Variants in STOX2 observed in about 807,000 individuals in gnomAD.
STOX2 encodes storkhead box 2.
A neutral mutation model predicts 60.9 loss-of-function variants in STOX2; 28 were observed. The observed-to-expected ratio is 0.46, with a 90% CI of 0.34 to 0.63. STOX2 has a LOEUF of 0.63. Among genes scored for constraint, STOX2 ranks in the 30% least tolerant of loss-of-function variants. The pLI, the probability that STOX2 is intolerant of heterozygous loss-of-function variation, is 0.01. For synonymous variants in STOX2, 472 were observed against 463.9 expected, an observed-to-expected ratio of 1.02 and a Z score of -0.22; for missense variants, 1,024 against 1,187.7, an observed-to-expected ratio of 0.86 and a Z score of 2.03.
chr4:183,887,835 G>A (rs189723648), intron 1 of STOX2, among the ~76,000 whole-genome samples: 6 of 152,184 alleles, frequency 3.9e-5, no homozygotes, highest in Non-Finnish European at 7.3e-5. Context: ...CCTTGAGCTC[G>A]TAGGCTCAAG....
intron 1 of STOX2, among the ~76,000 whole-genome samples, chr4:183,851,983 GA>G (rs2111143090): frequency 2.3e-5 from 2 of 85,750 alleles, no homozygotes; most frequent in African/African-American, 6.7e-5. Flanking sequence ...GAAAGGATGA[GA>G]GAAACGATGA....
In STOX2 at chr4:183,995,291, C is replaced by CTTTTTTTTTTTTTTTTT. The variant is rs61681165; in HGVS notation, c.167-6018_167-6002dup. On this transcript the variant is annotated intron_variant, in intron 1 of 3. Transcript: ENST00000308497. The stretch of plus-strand genomic sequence containing the variant: ...ATAAAGGACAGGGCTTTATTTTAGT[C>CTTTTTTTTTTTTTTTTT]TTTTTTTTTTTTTTTTTTTTTTTTT... Among the ~76,000 whole-genome samples the CTTTTTTTTTTTTTTTTT allele has an allele frequency of 8.8e-5, 7 of 79,452 alleles. 1 individual carries two copies. The highest frequency in any genetic ancestry group is 2.5e-4 in the African/African-American group (4 of 16,132). The allele number at this position is 79,452 out of a possible 152,430, so 52.1% of individuals were successfully genotyped here.
intron 1 of STOX2, among the ~76,000 whole-genome samples, chr4:183,959,648 A>G (rs1177743960): frequency 1.3e-5 from 2 of 152,186 alleles, no homozygotes; most frequent in Non-Finnish European, 2.9e-5. Flanking sequence ...GCATTGTGGA[A>G]TTATGGGTAG....
At chr4:183,799,987 A>C (rs910798059) in intron 1 of STOX2, among the ~76,000 whole-genome samples, 5 of 152,100 alleles carry the variant, frequency 3.3e-5, no homozygotes, top group African/African-American at 1.2e-4. Flanking sequence ...ACTCCCTCTT[A>C]AAGCCCAAGC....
At chr4:183,967,006 C>G (rs1213798243) in intron 1 of STOX2, among the ~76,000 whole-genome samples, 1 of 152,002 alleles carries the variant, frequency 6.6e-6, no homozygotes, top group Non-Finnish European at 1.5e-5. Context: ...GTAGAAAGCC[C>G]CTTTGTACAT....
chr4:183,996,979 A>G (rs1733371053), intron 1 of STOX2, among the ~76,000 whole-genome samples: 1 of 152,232 alleles, frequency 6.6e-6, no homozygotes, highest in Non-Finnish European at 1.5e-5. Context: ...CATGTTAAAA[A>G]TGGATATTCA....
At chr4:183,930,546 C>T (rs180849198) in intron 1 of STOX2, among the ~76,000 whole-genome samples, 5 of 150,118 alleles carry the variant, frequency 3.3e-5, no homozygotes, top group East Asian at 2.0e-4. Context: ...TTCCTAGAGA[C>T]GGAGTCTCAT....
At chr4:183,798,538 C>T (rs1006845832) in intron 1 of STOX2, 1 of 842,956 alleles carries the variant, frequency 1.2e-6, no homozygotes, top group Non-Finnish European at 1.4e-6. Flanking sequence ...TGGGCGGCGA[C>T]TGCGGGGGAC....
chr4:183,808,047 C>T (rs1266280166), intron 1 of STOX2, among the ~76,000 whole-genome samples: 1 of 152,194 alleles, frequency 6.6e-6, no homozygotes, highest in Non-Finnish European at 1.5e-5. Flanking sequence ...ATTACACCTG[C>T]TGGGTGAAAA....
chr4:183,971,897 G>A (rs548331939), intron 1 of STOX2, among the ~76,000 whole-genome samples: 15 of 152,320 alleles, frequency 9.8e-5, no homozygotes, highest in Non-Finnish European at 1.6e-4. Context: ...AGCAGGCACC[G>A]TGGGGAAGGA....
chr4:183,913,185 A>C lies in STOX2; in HGVS notation c.166+6229A>C, dbSNP rs139800941. ...GAAGGTTGAGGAAGCGGTACAAACCAAGGCATGAAGCTGGAAATGAAAATG... is the reference window on the plus strand; with the variant it reads ...GAAGGTTGAGGAAGCGGTACAAACCCAGGCATGAAGCTGGAAATGAAAATG... On this transcript the variant is annotated intron_variant, in intron 1 of 3. Transcript: ENST00000308497. Among the ~76,000 whole-genome samples the C allele has an allele frequency of 2.6e-4, 40 of 152,318 alleles. 1 individual carries two copies. Among genetic ancestry groups the C allele is most frequent in the African/African-American group, 8.9e-4 (37 of 41,572 alleles).
At chr4:183,882,148 C>T (rs557139050) in intron 1 of STOX2, among the ~76,000 whole-genome samples, 2 of 152,120 alleles carry the variant, frequency 1.3e-5, no homozygotes, top group Admixed American at 6.6e-5. Context: ...AATGTTTGTC[C>T]GAAAACAGAT....
At chr4:183,944,360 T>A (rs1278674733) in intron 1 of STOX2, among the ~76,000 whole-genome samples, 1 of 152,190 alleles carries the variant, frequency 6.6e-6, no homozygotes, top group Non-Finnish European at 1.5e-5. Flanking sequence ...CATAATACAC[T>A]CAAATACTAC....
At chr4:183,929,177 G>A (rs1421935736) in intron 1 of STOX2, among the ~76,000 whole-genome samples, 4 of 152,218 alleles carry the variant, frequency 2.6e-5, no homozygotes, top group Non-Finnish European at 4.4e-5. Flanking sequence ...ATTTGCTGAA[G>A]TCTTGGGGCC....
At position 184,010,989 on chromosome 4, in the gene STOX2, C is replaced by T; in HGVS notation, c.2151C>T (p.His717=). 6.2e-7 allele frequency: 1 copy of T among 1,613,236 alleles called. No homozygotes were observed. The highest frequency in any genetic ancestry group is 2.2e-5 in the East Asian group (1 of 44,854). The change falls in exon 3 of 4, where the codon CAC becomes CAT. Residue 717 remains histidine (H), a synonymous_variant. Coordinates refer to ENST00000308497, the MANE Select transcript of STOX2 (RefSeq NM_020225.3). The surrounding 1 kb of genome is among the most constrained non-coding windows in gnomAD (Gnocchi z 4.5). ...GCACCTTGTCTGTAAACAGCTATCA[C>T]AAGTCGAGCCTGTCCCTCCTCAAAT... ...LHSTLSVNSY[H]KSSLSLLKSH... is the part of the protein sequence containing the mutation.
chr4:183,900,225 A>C (rs1326108126), intron 1 of STOX2, among the ~76,000 whole-genome samples: 2 of 152,148 alleles, frequency 1.3e-5, no homozygotes, highest in Admixed American at 1.3e-4. Flanking sequence ...TCTGATGGGG[A>C]TGTACAGGGA....
At chr4:183,964,072 G>T (rs775703262) in intron 1 of STOX2, among the ~76,000 whole-genome samples, 6 of 152,236 alleles carry the variant, frequency 3.9e-5, no homozygotes, top group Non-Finnish European at 8.8e-5. Context: ...ACCGCGCCCA[G>T]CTTTCTTTAC....
chr4:183,896,552 G>A (rs1741344314), intron 1 of STOX2, among the ~76,000 whole-genome samples: 1 of 152,154 alleles, frequency 6.6e-6, no homozygotes, highest in African/African-American at 2.4e-5. Context: ...ATGTTGCCCA[G>A]GCTGTTCTCA....
At chr4:183,839,195 T>C (rs914432010) in intron 1 of STOX2, among the ~76,000 whole-genome samples, 3 of 152,126 alleles carry the variant, frequency 2.0e-5, no homozygotes, top group East Asian at 1.9e-4. Context: ...AGGCCTTTGA[T>C]TGGACGAGGG....
Sources: gnomAD v4.1 joint callset for allele counts (sites outside exome capture counted in the v4.1 genomes callset) on GRCh38, gnomAD v4.1.1 for gene constraint, Gnocchi (gnomAD v3.1) non-coding constraint, MANE v1.5 for transcripts, NCBI Gene and HGNC (gene_info 2026-07-23, HGNC 2026-07-21) for gene names.